Variants in MAGI3 observed in about 807,000 individuals in gnomAD.
MAGI3 encodes membrane associated guanylate kinase, WW and PDZ domain containing 3.
MAGI3 carries 43 observed loss-of-function variants against 121.8 expected under a neutral mutation model. The observed-to-expected ratio is 0.35, with a 90% confidence interval of 0.28 to 0.46. The LOEUF is 0.46. Among genes scored for constraint, MAGI3 ranks in the 20% least tolerant of loss-of-function variants. MAGI3 has a pLI of 1.00. For missense variants in MAGI3, 1,547 were observed against 1,797.3 expected (o/e 0.86, Z 2.52); for synonymous variants, 553 against 639.3 (o/e 0.86, Z 2.04).
chr1:113,640,488 A>C (rs1652387716), intron 9 of MAGI3, among the ~76,000 whole-genome samples: 1 of 152,232 alleles, frequency 6.6e-6, no homozygotes, highest in African/African-American at 2.4e-5. Context: ...CCAAATGCCC[A>C]TCAATGATAG....
rs938516851 is a variant in MAGI3, at chr1:113,534,940, T to A, written c.317-14575T>A. On this transcript the variant is annotated intron_variant, in intron 1 of 20. Coordinates refer to ENST00000307546, the MANE Select transcript of MAGI3 (RefSeq NM_001142782.2). The stretch of plus-strand genomic sequence containing the variant: ...AACAGTAAATTGCCTTAAATCACCA[T>A]ATGGTATTCAGTCACTGGGTCAGGG... Among the ~76,000 whole-genome samples the A allele has an allele frequency of 5.9e-5, 9 of 152,166 alleles. No individual in the cohort carries two copies. In the South Asian group the frequency reaches 1.9e-3, roughly 31 times the overall value.
At chr1:113,471,250 A>T (rs1304201798) in intron 1 of MAGI3, among the ~76,000 whole-genome samples, 1 of 152,212 alleles carries the variant, frequency 6.6e-6, no homozygotes, top group Non-Finnish European at 1.5e-5. Flanking sequence ...TAACAAATTC[A>T]AGAAGATTGA....
intron 1 of MAGI3, among the ~76,000 whole-genome samples, chr1:113,455,772 A>G (rs1366447938): frequency 1.3e-5 from 2 of 152,066 alleles, no homozygotes; most frequent in African/African-American, 2.4e-5. Context: ...ACTTAACACT[A>G]TTAACAATTA....
chr1:113,413,069 G>A (rs1371348473), intron 1 of MAGI3, among the ~76,000 whole-genome samples: 2 of 152,156 alleles, frequency 1.3e-5, no homozygotes, highest in Admixed American at 6.6e-5. Context: ...GTGTAAGGAA[G>A]GGATCCAGTT....
intron 1 of MAGI3, among the ~76,000 whole-genome samples, chr1:113,514,295 A>G (rs1306133122): frequency 1.3e-5 from 2 of 152,102 alleles, no homozygotes; most frequent in African/African-American, 2.4e-5. Context: ...AAAGGACTAT[A>G]AATCATGCTG....
At chr1:113,399,785 A>G (rs914465161) in intron 1 of MAGI3, among the ~76,000 whole-genome samples, 1 of 152,122 alleles carries the variant, frequency 6.6e-6, no homozygotes. Flanking sequence ...AGTCTTTGGC[A>G]TTGAGAAAAA....
intron 1 of MAGI3, among the ~76,000 whole-genome samples, chr1:113,411,348 T>G (rs1438007804): frequency 2.6e-5 from 4 of 152,084 alleles, no homozygotes; most frequent in African/African-American, 9.7e-5. Flanking sequence ...AATGCCTTAT[T>G]GTTAAATTAC....
rs1291277486 is a variant in MAGI3, at chr1:113,641,088, ATATT to A, written c.1361-822_1361-819del. Among the ~76,000 whole-genome samples, 3 of 25,368 alleles carry A rather than the reference ATATT, an allele frequency of 1.2e-4. 1 individual carries two copies. The highest frequency in any genetic ancestry group is 4.1e-4 in the African/African-American group (2 of 4,908). The allele number at this position is 25,368 out of a possible 152,430, so 16.6% of individuals were successfully genotyped here. ...GATATATATAATATATATGAGATAT[ATATT>A]ATATATATGATATATAAATATATAT... On this transcript the variant is annotated intron_variant, in intron 9 of 20. Coordinates refer to ENST00000307546, the MANE Select transcript of MAGI3 (RefSeq NM_001142782.2).
In MAGI3 at chr1:113,391,052, A is replaced by G. The variant is rs1415088634; in HGVS notation, c.19A>G (p.Lys7Glu). Residue 7 changes from lysine (K) to glutamate (E), a missense_variant, in exon 1 of 21, where the codon AAG (lysine) becomes GAG (glutamate). By Grantham distance (56) the Lys-to-Glu change is moderately conservative. Transcript: ENST00000307546. The surrounding 1 kb of genome is among the most constrained non-coding windows in gnomAD (Gnocchi z 4.4). ...GTTCGGGATGTCGAAGACGCTGAAG[A>G]AGAAGAAGCACTGGCTCAGCAAGGT... Reference protein sequence around the residue: MSKTLKKKKHWLSKVQE... With the variant: MSKTLKEKKHWLSKVQE... The G allele has an allele frequency of 2.7e-5, 43 of 1,590,074 alleles. No homozygotes were observed. Among genetic ancestry groups the G allele is most frequent in the Non-Finnish European group, 3.5e-5 (41 of 1,169,548 alleles).
intron 7 of MAGI3, 46 bp from the exon 8 acceptor site, chr1:113,619,690 A>T: frequency 8.1e-7 from 1 of 1,239,518 alleles, no homozygotes; most frequent in Non-Finnish European, 1.2e-6. Context: ...AGAATATGTT[A>T]CTGTTTTATT....
At chr1:113,448,148 G>T (rs1051338810) in intron 1 of MAGI3, among the ~76,000 whole-genome samples, 1 of 152,156 alleles carries the variant, frequency 6.6e-6, no homozygotes, top group Admixed American at 6.5e-5. Flanking sequence ...CATGGTGGAG[G>T]CTATCAGAGT....
At chr1:113,549,463 G>T (rs552555641) in intron 1 of MAGI3, 52 bp from the exon 2 acceptor site, 1 of 977,602 alleles carries the variant, frequency 1.0e-6, no homozygotes, top group Non-Finnish European at 1.6e-6. Flanking sequence ...TTAAGTGAAC[G>T]TCTAAAAATT....
chr1:113,584,840 A>AC (rs1648253997), intron 3 of MAGI3, among the ~76,000 whole-genome samples: 1 of 152,146 alleles, frequency 6.6e-6, no homozygotes, highest in Non-Finnish European at 1.5e-5. Flanking sequence ...AAATAGTATT[A>AC]AGATATTAGA....
intron 1 of MAGI3, among the ~76,000 whole-genome samples, chr1:113,424,042 C>T (rs993420388): frequency 1.3e-5 from 2 of 152,154 alleles, no homozygotes; most frequent in Non-Finnish European, 2.9e-5. Context: ...TGCAAGAGCG[C>T]AAGGATACCC....
intron 15 of MAGI3, among the ~76,000 whole-genome samples, chr1:113,654,459 A>G (rs1188954316): frequency 6.6e-6 from 1 of 152,236 alleles, no homozygotes; most frequent in African/African-American, 2.4e-5. Context: ...TAGATATTTT[A>G]TGTTATTATT....
chr1:113,663,490 T>C (rs903522770), intron 16 of MAGI3, among the ~76,000 whole-genome samples: 3 of 152,154 alleles, frequency 2.0e-5, no homozygotes, highest in Admixed American at 6.5e-5. Flanking sequence ...TTCTTTCATC[T>C]GGCAAAATGT....
intron 5 of MAGI3, among the ~76,000 whole-genome samples, chr1:113,591,312 T>C (rs1648676766): frequency 6.6e-6 from 1 of 152,158 alleles, no homozygotes; most frequent in South Asian, 2.1e-4. Flanking sequence ...GAAGAATTTT[T>C]ATATTCTCAC....
chr1:113,550,688 GGAGATTGCAGTGAGCC>G (rs1205456327), intron 2 of MAGI3, among the ~76,000 whole-genome samples: 1 of 150,640 alleles, frequency 6.6e-6, no homozygotes, highest in Non-Finnish European at 1.5e-5. Flanking sequence ...CCTAGGAGGC[GGAGATTGCAGTGAGCC>G]GAGATCATGC....
Position 113,619,805 on chromosome 1 carries a change from G to A in MAGI3, c.1146G>A (p.Gln382=). 2 of 1,612,322 alleles carry A rather than the reference G, an allele frequency of 1.2e-6. No individual in the cohort carries two copies. Among genetic ancestry groups the A allele is most frequent in the Non-Finnish European group, 1.7e-6 (2 of 1,179,028 alleles). ...EEAKRKKQLG[Q]VEIGSSKPDM... is the part of the protein sequence containing the mutation. ...CCAAAAGGAAAAAGCAGTTAGGACA[G>A]GTTGAAATTGGGTCTTCAAAACCAG... Residue 382 remains glutamine, a synonymous_variant, in exon 8 of 21, where the codon CAG becomes CAA. Coordinates refer to ENST00000307546, the MANE Select transcript of MAGI3 (RefSeq NM_001142782.2).
Sources: allele counts gnomAD v4.1 joint callset (sites outside exome capture counted in the v4.1 genomes callset), GRCh38; gene constraint gnomAD v4.1.1; non-coding constraint Gnocchi (gnomAD v3.1); transcripts MANE v1.5; gene names NCBI Gene and HGNC (gene_info 2026-07-23, HGNC 2026-07-21).